The following IPCEF1 variants were observed in gnomAD, a reference collection of about 807,000 sequenced individuals.
IPCEF1 encodes interaction protein for cytohesin exchange factors 1.
IPCEF1 carries 31 observed loss-of-function variants against 50.9 expected under a neutral mutation model. The observed-to-expected ratio is 0.61, with a 90% CI of 0.46 to 0.82. The LOEUF is 0.82. Ranked by LOEUF, IPCEF1 falls within the 40% of genes least tolerant of loss-of-function variation. IPCEF1 has a pLI of 0.00. For synonymous variants in IPCEF1, 181 were observed against 192.0 expected (o/e 0.94, Z 0.47); for missense variants, 458 against 514.0 (o/e 0.89, Z 1.05).
chr6:154,310,584 C>T (rs1295152874), intron 1 of IPCEF1, among the ~76,000 whole-genome samples: 1 of 152,134 alleles, frequency 6.6e-6, no homozygotes, highest in African/African-American at 2.4e-5. Flanking sequence ...GATATCTGTA[C>T]TCCCATGTTT....
chr6:154,252,934 CT>C (rs1781373123), intron 3 of IPCEF1, among the ~76,000 whole-genome samples: 1 of 152,202 alleles, frequency 6.6e-6, no homozygotes, highest in Admixed American at 6.5e-5. Context: ...AGCTTCTGTG[CT>C]TAAACCCTTT....
chr6:154,351,955 C>T (rs1035187164), intron 1 of IPCEF1, among the ~76,000 whole-genome samples: 2 of 152,006 alleles, frequency 1.3e-5, no homozygotes, highest in Admixed American at 6.6e-5. Context: ...ACATAGGGAG[C>T]GGAAAAACAC....
chr6:154,334,713 T>C (rs778983331), intron 1 of IPCEF1, among the ~76,000 whole-genome samples: 1 of 152,250 alleles, frequency 6.6e-6, no homozygotes, highest in East Asian at 1.9e-4. Flanking sequence ...CATTGACTAG[T>C]AGAATGGCCT....
chr6:154,171,066 T>A (rs1444066995), intron 10 of IPCEF1, among the ~76,000 whole-genome samples: 2 of 152,152 alleles, frequency 1.3e-5, no homozygotes, highest in Non-Finnish European at 2.9e-5. Context: ...AAATAGTTTG[T>A]CCATTTCTCA....
chr6:154,271,539 G>A (rs1410879321), intron 2 of IPCEF1, among the ~76,000 whole-genome samples: 2 of 152,092 alleles, frequency 1.3e-5, no homozygotes, highest in Non-Finnish European at 2.9e-5. Context: ...TTATACAGAA[G>A]TATAACCTTT....
At chr6:154,195,620 T>A (rs1055512896) in intron 10 of IPCEF1, among the ~76,000 whole-genome samples, 1 of 152,140 alleles carries the variant, frequency 6.6e-6, no homozygotes, top group African/African-American at 2.4e-5. Context: ...GCCACTTAGA[T>A]GAGATCTTGT....
chr6:154,199,038 A>AT (rs1776861922), intron 10 of IPCEF1, among the ~76,000 whole-genome samples: 1 of 152,244 alleles, frequency 6.6e-6, no homozygotes, highest in Non-Finnish European at 1.5e-5. Context: ...TTATCAGAGT[A>AT]TTTTTTAAAC....
intron 10 of IPCEF1, among the ~76,000 whole-genome samples, chr6:154,190,704 AC>A (rs1801797101): frequency 6.6e-6 from 1 of 152,210 alleles, no homozygotes; most frequent in African/African-American, 2.4e-5. Flanking sequence ...AATAATCTGC[AC>A]CCACATGTTG....
chr6:154,315,261 T>G (rs1338424253), intron 1 of IPCEF1, among the ~76,000 whole-genome samples: 1 of 152,226 alleles, frequency 6.6e-6, no homozygotes, highest in Non-Finnish European at 1.5e-5. Flanking sequence ...GTGAATATTT[T>G]TGCTCACTCA....
At chr6:154,178,254 G>T (rs546094942) in intron 10 of IPCEF1, among the ~76,000 whole-genome samples, 1 of 152,020 alleles carries the variant, frequency 6.6e-6, no homozygotes, top group Non-Finnish European at 1.5e-5. Context: ...AAACCTGCAC[G>T]TTGTGCACAA....
intron 9 of IPCEF1, 138 bp downstream of exon 9, chr6:154,212,632 T>C (rs1778056936): frequency 6.5e-6 from 4 of 618,564 alleles, no homozygotes; most frequent in African/African-American, 1.8e-5. Context: ...ACCCTGAAAA[T>C]TGCACTTGCT....
At chr6:154,214,180 T>G (rs764194206) in intron 8 of IPCEF1, 38 bp downstream of exon 8, 2 of 1,332,090 alleles carry the variant, frequency 1.5e-6, no homozygotes, top group South Asian at 2.3e-5. Context: ...TGTTCTAATA[T>G]TCTTGCTAAA....
At chr6:154,340,360 C>T (rs532716078) in intron 1 of IPCEF1, among the ~76,000 whole-genome samples, 164 of 151,994 alleles carry the variant, frequency 1.1e-3, no homozygotes, top group African/African-American at 3.8e-3. Context: ...AAGCAATTCT[C>T]CCGCCCCAAC....
chr6:154,180,373 TTAACAACAA>T (rs1311846042), intron 10 of IPCEF1, among the ~76,000 whole-genome samples: 3 of 146,402 alleles, frequency 2.0e-5, no homozygotes, highest in Admixed American at 1.4e-4. Context: ...CTGAGCTAGT[TTAACAACAA>T]CAACTATATA....
chr6:154,304,689 G>C (rs1399122392), intron 1 of IPCEF1, among the ~76,000 whole-genome samples: 3 of 152,120 alleles, frequency 2.0e-5, no homozygotes, highest in African/African-American at 7.2e-5. Context: ...GTTACCTATT[G>C]AAGGCTCTCT....
chr6:154,221,880 CAAAT>C (rs1778894906), intron 6 of IPCEF1, among the ~76,000 whole-genome samples: 1 of 152,064 alleles, frequency 6.6e-6, no homozygotes, highest in East Asian at 1.9e-4. Flanking sequence ...TCTCAAAAAA[CAAAT>C]AAATAAATAA....
chr6:154,214,387 A>G (rs1778215139), intron 7 of IPCEF1, 111 bp from the exon 8 acceptor site: 1 of 800,204 alleles, frequency 1.2e-6, no homozygotes, highest in African/African-American at 1.7e-5. Flanking sequence ...ATCAGTCTGC[A>G]CATTTCCAGA....
intron 2 of IPCEF1, among the ~76,000 whole-genome samples, chr6:154,271,210 T>C (rs1337925795): frequency 6.7e-6 from 1 of 149,324 alleles, no homozygotes; most frequent in East Asian, 2.0e-4. Flanking sequence ...AAAAAATAAA[T>C]AAATAAGAAA....
At chr6:154,178,894 G>C (rs1053161480) in intron 10 of IPCEF1, among the ~76,000 whole-genome samples, 4 of 152,124 alleles carry the variant, frequency 2.6e-5, no homozygotes, top group African/African-American at 9.7e-5. Flanking sequence ...CCTGATTCCA[G>C]AATCATCCAC....
Sources: allele counts gnomAD v4.1 joint callset (sites outside exome capture counted in the v4.1 genomes callset), GRCh38; gene constraint gnomAD v4.1.1; transcripts MANE v1.5; gene names NCBI Gene and HGNC (gene_info 2026-07-23, HGNC 2026-07-21).